The following MGA variants were observed in gnomAD, a reference collection of about 807,000 sequenced individuals.
The protein encoded by MGA is MAX dimerization protein MGA, also known as MAX gene-associated protein.
Under a neutral mutation model 261.1 loss-of-function variants are expected in MGA, and 40 were observed. The ratio of observed to expected loss-of-function variants is 0.15; its 90% CI spans 0.12 to 0.20. The LOEUF (loss-of-function observed/expected upper bound fraction) is 0.20. Ranked by LOEUF, MGA falls within the 10% of genes least tolerant of loss-of-function variation. MGA has a pLI of 1.00. For missense variants in MGA, 3,397 were observed against 3,630.5 expected (o/e 0.94, Z 1.65); for synonymous variants, 1,302 against 1,290.6 (o/e 1.01, Z -0.19).
At chr15:41,655,526 G>A (rs1027614405), upstream of MGA, among the ~76,000 whole-genome samples, 25 of 152,046 alleles carry the variant, frequency 1.6e-4, no homozygotes, top group African/African-American at 6.0e-4. Context: ...TAATTTAAAT[G>A]CTTTGTAAAT....
At chr15:41,709,121 C>G (rs2060257217) in intron 7 of MGA, among the ~76,000 whole-genome samples, 1 of 152,022 alleles carries the variant, frequency 6.6e-6, no homozygotes, top group Non-Finnish European at 1.5e-5. Flanking sequence ...CCGAAGCAAG[C>G]GGATTGCCTG....
rs2063727998 is a variant in MGA, at chr15:41,765,037, T to A, written c.7896T>A (p.Val2632=). Reference sequence around the variant, plus strand: ...TAGAATCTGATCTTAAGCCTCAAGTTGCCGGTAGTGCTGTGGCTCTACCAG... The same window carrying A: ...TAGAATCTGATCTTAAGCCTCAAGTAGCCGGTAGTGCTGTGGCTCTACCAG... The change falls in exon 23 of 24, where the codon GTT becomes GTA. Residue 2632 remains valine (V), a synonymous_variant. Coordinates refer to ENST00000219905, the MANE Select transcript of MGA (RefSeq NM_001164273.2). The A allele has an allele frequency of 6.2e-7, 1 of 1,614,028 alleles. No homozygotes were observed. The highest frequency in any genetic ancestry group is 2.2e-5 in the East Asian group (1 of 44,882).
chr15:41,653,347 T>G (rs2057105623), intron 1 of MGA, among the ~76,000 whole-genome samples: 1 of 148,654 alleles, frequency 6.7e-6, no homozygotes, highest in African/African-American at 2.5e-5. Flanking sequence ...CCAGCCTGGG[T>G]GACAGACCGA....
chr15:41,640,381 C>T (rs2056797014), intron 1 of MGA, among the ~76,000 whole-genome samples: 1 of 152,110 alleles, frequency 6.6e-6, no homozygotes, highest in Non-Finnish European at 1.5e-5. Context: ...TCTCACTAAC[C>T]TTAAAGTTAC....
chr15:41,749,026 A>G lies in MGA; in HGVS notation c.5504-85A>G, dbSNP rs1260182343. 6 of 1,538,530 alleles carry G rather than the reference A, an allele frequency of 3.9e-6. No individual in the cohort carries two copies. The East Asian group carries it at 6.8e-5, about 17-fold the overall frequency. On this transcript the variant is annotated intron_variant, in intron 16 of 23. Transcript: ENST00000219905. ...TGTTTTTCTTCATCTCTTAAGAGTT[A>G]CTTTTCCAAAAAGAAAAGCAAACAT...
chr15:41,748,998 G>T (rs969421001), intron 16 of MGA, 71 bp downstream of exon 16: 5 of 1,554,526 alleles, frequency 3.2e-6, no homozygotes, highest in Non-Finnish European at 4.3e-6. Flanking sequence ...AATACACCAA[G>T]ATTGTTTTTC....
intron 18 of MGA, among the ~76,000 whole-genome samples, chr15:41,756,679 A>G (rs965171473): frequency 2.0e-5 from 3 of 152,226 alleles, no homozygotes; most frequent in African/African-American, 7.2e-5. Flanking sequence ...GGAATACTAT[A>G]TAACTATATA....
chr15:41,675,196 T>C (rs1013263216), intron 2 of MGA, among the ~76,000 whole-genome samples: 5 of 152,254 alleles, frequency 3.3e-5, no homozygotes, highest in African/African-American at 7.2e-5. Context: ...AGGCATACTT[T>C]TAGTAGACAC....
intron 2 of MGA, among the ~76,000 whole-genome samples, chr15:41,671,768 G>A (rs1325350806): frequency 1.3e-5 from 2 of 152,114 alleles, no homozygotes; most frequent in Non-Finnish European, 2.9e-5. Flanking sequence ...TGGAATCTCC[G>A]TGCTCATGAG....
chr15:41,629,054 T>C (rs1019501576), intron 1 of MGA, among the ~76,000 whole-genome samples: 10 of 140,254 alleles, frequency 7.1e-5, no homozygotes, highest in African/African-American at 2.7e-4. Context: ...CATAATGCAT[T>C]GAAAAAGTGC....
At chr15:41,667,320 C>G (rs1000148127) in intron 1 of MGA, among the ~76,000 whole-genome samples, 1 of 151,782 alleles carries the variant, frequency 6.6e-6, no homozygotes, top group Non-Finnish European at 1.5e-5. Context: ...CATCTTGGCT[C>G]GCTGCAACTC....
At chr15:41,726,685 C>T (rs186489460) in intron 9 of MGA, among the ~76,000 whole-genome samples, 9 of 151,328 alleles carry the variant, frequency 5.9e-5, no homozygotes, top group East Asian at 5.9e-4. Context: ...GCCAAGATTG[C>T]GCCATTGCAC....
intron 2 of MGA, among the ~76,000 whole-genome samples, chr15:41,692,240 G>T (rs1458429305): frequency 1.3e-5 from 2 of 152,094 alleles, no homozygotes; most frequent in Non-Finnish European, 2.9e-5. Flanking sequence ...TCCCTGGCAG[G>T]ACCTTAGGAC....
At chr15:41,706,314 C>CAA in intron 5 of MGA, among the ~76,000 whole-genome samples, 1 of 147,818 alleles carries the variant, frequency 6.8e-6, no homozygotes, top group East Asian at 2.0e-4. Context: ...CAAACTAAAA[C>CAA]AAAATAGCTG....
intron 1 of MGA, among the ~76,000 whole-genome samples, chr15:41,634,699 T>A (rs1320703750): frequency 6.6e-6 from 1 of 152,072 alleles, no homozygotes; most frequent in Non-Finnish European, 1.5e-5. Context: ...GGATGAGTAT[T>A]GTGAGCTAAG....
intron 2 of MGA, among the ~76,000 whole-genome samples, chr15:41,694,114 C>T (rs764697589): frequency 1.1e-4 from 16 of 152,000 alleles, no homozygotes; most frequent in Non-Finnish European, 1.9e-4. Flanking sequence ...ACCTACCTAC[C>T]TAACTTTTTA....
chr15:41,629,370 G>T (rs1240016355), intron 1 of MGA, among the ~76,000 whole-genome samples: 1 of 152,230 alleles, frequency 6.6e-6, no homozygotes, highest in Admixed American at 6.5e-5. Flanking sequence ...TGGATGAAGT[G>T]TTTAGATGTT....
At chr15:41,741,077 G>A (rs1054976871) in intron 14 of MGA, among the ~76,000 whole-genome samples, 3 of 151,990 alleles carry the variant, frequency 2.0e-5, no homozygotes, top group Admixed American at 6.6e-5. Flanking sequence ...GGCCGGGCGC[G>A]GTGGCTCACT....
At chr15:41,658,811 T>G (rs1014893275), upstream of MGA, among the ~76,000 whole-genome samples, 9 of 151,816 alleles carry the variant, frequency 5.9e-5, no homozygotes, top group African/African-American at 1.9e-4. Context: ...CTTCCCAAGT[T>G]GTCCTCACAG....
Sources: gnomAD v4.1 joint callset for allele counts (sites outside exome capture counted in the v4.1 genomes callset) on GRCh38, gnomAD v4.1.1 for gene constraint, MANE v1.5 for transcripts, NCBI Gene and HGNC (gene_info 2026-07-23, HGNC 2026-07-21) for gene names.